The following TEX14 variants were observed in gnomAD, a reference collection of about 807,000 sequenced individuals.
TEX14 encodes testis expressed 14, intercellular bridge forming factor.
A neutral mutation model predicts 178.6 loss-of-function variants in TEX14; 168 were observed. The ratio of observed to expected loss-of-function variants is 0.94; its 90% CI spans 0.83 to 1.07. TEX14 has a LOEUF of 1.07. TEX14 is among the 50% of genes least tolerant of loss of function. The probability of loss-of-function intolerance (pLI) is 0.00; values close to 1 mark genes in which losing one functional copy is unlikely to be tolerated. For missense variants in TEX14, 1,730 were observed against 1,753.6 expected (o/e 0.99, Z 0.24); for synonymous variants, 626 against 634.1 (o/e 0.99, Z 0.19).
chr17:58,650,339 ACCATGCCTGGC>A (rs934901739), intron 2 of TEX14, among the ~76,000 whole-genome samples: 14 of 152,314 alleles, frequency 9.2e-5, no homozygotes, highest in African/African-American at 3.4e-4. Flanking sequence ...GGTGTGAGTC[ACCATGCCTGGC>A]CCAAGAAGCA....
intron 1 of TEX14, among the ~76,000 whole-genome samples, chr17:58,681,096 A>G (rs746022308): frequency 6.6e-5 from 10 of 152,078 alleles, no homozygotes; most frequent in Non-Finnish European, 1.0e-4. Context: ...AGCCTGGCCA[A>G]CATGGCGAAA....
intron 1 of TEX14, among the ~76,000 whole-genome samples, chr17:58,657,813 C>G (rs2047001348): frequency 6.6e-6 from 1 of 152,136 alleles, no homozygotes; most frequent in South Asian, 2.1e-4. Flanking sequence ...TCCTTCTTGT[C>G]TGGGGACTAG....
In TEX14 at chr17:58,616,184, A is replaced by C. The variant is rs1438637730; in HGVS notation, c.758T>G (p.Val253Gly). ...GCCAGCCCCCACTTACTTGGTCATGACCATGTAGGGGCCGCTGAAGAAAGA... is the reference window on the plus strand; with the variant it reads ...GCCAGCCCCCACTTACTTGGTCATGCCCATGTAGGGGCCGCTGAAGAAAGA... ...TFSFFSGPYM[V>G]MTNLVWNGSR... The change falls in exon 7 of 32, where the codon GTC becomes GGC. Residue 253 changes from valine (V) to glycine (G), a missense_variant. Physicochemically the swap from Val to Gly is moderately radical, Grantham distance 109. Transcript: ENST00000349033. 6.2e-7 allele frequency: 1 copy of C among 1,613,390 alleles called. No homozygotes were observed. The highest frequency in any genetic ancestry group is 8.5e-7 in the Non-Finnish European group (1 of 1,179,768).
At chr17:58,666,905 T>G (rs563316245) in intron 1 of TEX14, among the ~76,000 whole-genome samples, 1 of 152,264 alleles carries the variant, frequency 6.6e-6, no homozygotes, top group East Asian at 1.9e-4. Context: ...ATCTACATAC[T>G]CCACCTCCCG....
At chr17:58,628,582 C>A (rs750753873) in intron 3 of TEX14, among the ~76,000 whole-genome samples, 1 of 152,080 alleles carries the variant, frequency 6.6e-6, no homozygotes. Context: ...TGTGGTGGCA[C>A]GCGCTTGTAG....
intron 1 of TEX14, among the ~76,000 whole-genome samples, chr17:58,659,137 G>A (rs902282983): frequency 6.6e-6 from 1 of 150,708 alleles, no homozygotes; most frequent in Non-Finnish European, 1.5e-5. Flanking sequence ...TTTTAAACTA[G>A]TTCAATCACA....
chr17:58,582,553 G>A (rs576695442), intron 19 of TEX14, among the ~76,000 whole-genome samples: 51 of 151,294 alleles, frequency 3.4e-4, no homozygotes, highest in Middle Eastern at 3.4e-3. Context: ...CACCACACCC[G>A]GCCTGCAAAT....
At chr17:58,655,485 A>G (rs2046938083) in intron 1 of TEX14, among the ~76,000 whole-genome samples, 2 of 151,736 alleles carry the variant, frequency 1.3e-5, no homozygotes, top group South Asian at 4.2e-4. Context: ...CCCGGCGACT[A>G]ATGTTTGTAT....
At chr17:58,613,358 G>C (rs2045792198) in intron 9 of TEX14, 63 bp downstream of exon 9, 2 of 1,604,306 alleles carry the variant, frequency 1.2e-6, no homozygotes, top group Admixed American at 1.7e-5. Context: ...GCTGGGGCAA[G>C]AGGGTGAGGA....
At chr17:58,576,001 C>G (rs1310009669) in intron 21 of TEX14, among the ~76,000 whole-genome samples, 1 of 152,002 alleles carries the variant, frequency 6.6e-6, no homozygotes, top group Non-Finnish European at 1.5e-5. Context: ...TTAAATCAGA[C>G]AATGAAACAG....
chr17:58,669,628 G>A (rs1433065407), intron 1 of TEX14, among the ~76,000 whole-genome samples: 1 of 151,324 alleles, frequency 6.6e-6, no homozygotes, highest in East Asian at 1.9e-4. Flanking sequence ...CAGCTACTCA[G>A]GAGGCTGAGG....
At chr17:58,615,027 T>G (rs1228720287) in intron 8 of TEX14, among the ~76,000 whole-genome samples, 1 of 152,182 alleles carries the variant, frequency 6.6e-6, no homozygotes, top group African/African-American at 2.4e-5. Flanking sequence ...TCACCACCAC[T>G]GTCCCCACTG....
chr17:58,563,654 TATATAGAG>T (rs1340208161), intron 28 of TEX14, among the ~76,000 whole-genome samples: 32 of 20,024 alleles, frequency 1.6e-3, no homozygotes, highest in Admixed American at 3.7e-3. Flanking sequence ...TATATATATA[TATATAGAG>T]AGAGAGAGAG....
chr17:58,691,477 G>C (rs1233866903), intron 1 of TEX14, among the ~76,000 whole-genome samples: 1 of 151,678 alleles, frequency 6.6e-6, no homozygotes, highest in Non-Finnish European at 1.5e-5. Context: ...GACCAGCCTG[G>C]CCAATATGGT....
chr17:58,610,120 C>T (rs302847), intron 10 of TEX14, among the ~76,000 whole-genome samples: 45,272 of 152,116 alleles, frequency 0.3, 7,221 homozygotes, highest in Middle Eastern at 0.48. Context: ...AAGACTTTGA[C>T]TCTTGCCAAC....
In TEX14 at chr17:58,572,138, A is replaced by C; in HGVS notation, c.3512-12T>G. 1 of 1,591,794 alleles carries C rather than the reference A, an allele frequency of 6.3e-7. No individual in the cohort carries two copies. The highest frequency in any genetic ancestry group is 8.6e-7 in the Non-Finnish European group (1 of 1,161,670). On this transcript the variant is annotated splice_polypyrimidine_tract_variant and intron_variant, in intron 23 of 31. Coordinates refer to ENST00000349033, the MANE Select transcript of TEX14 (RefSeq NM_031272.5). ...TGAAGAAACGGACCCTGTTGGAGAAAAGCGGAAGGTTACTGTCTGAATCCT... is the reference window on the plus strand; with the variant it reads ...TGAAGAAACGGACCCTGTTGGAGAACAGCGGAAGGTTACTGTCTGAATCCT...
At position 58,621,668 on chromosome 17, in the gene TEX14, C is replaced by T. The variant is rs2046000038; in HGVS notation, c.536G>A (p.Cys179Tyr). ...TACTCACCCCTGCACGAGGCCCCCA[C>T]ACCAGGACGGGCTGTAGACAAGCCG... ...PQRLVYSPSWCGGLVQGNPNG... is the reference protein window; with the variant it reads ...PQRLVYSPSWYGGLVQGNPNG... Residue 179 changes from cysteine (C) to tyrosine (Y), a missense_variant, in exon 5 of 32, where the codon TGT becomes TAT. Coordinates refer to ENST00000349033, the MANE Select transcript of TEX14 (RefSeq NM_031272.5). 6.2e-7 allele frequency: 1 copy of T among 1,613,954 alleles called. No individual in the cohort carries two copies. Among genetic ancestry groups the T allele is most frequent in the Non-Finnish European group, 8.5e-7 (1 of 1,179,894 alleles).
chr17:58,578,848 A>G (rs1288257138), intron 20 of TEX14, among the ~76,000 whole-genome samples: 1 of 152,234 alleles, frequency 6.6e-6, no homozygotes, highest in Non-Finnish European at 1.5e-5. Flanking sequence ...ACAAGGTTAC[A>G]GTTGGAAGCT....
In TEX14 at chr17:58,569,675, G is replaced by C. The variant is rs921477121; in HGVS notation, c.3818-415C>G. On this transcript the variant is annotated intron_variant, in intron 25 of 31. Coordinates refer to ENST00000349033, the MANE Select transcript of TEX14 (RefSeq NM_031272.5). This position sits in a 1 kb window ranked among gnomAD's most constrained non-coding sequence, Gnocchi z 4.1. ...TTTAACTAAATATTATCAGGCCAGGGGATTTAGAGGCAACCACACTTTGGG... is the reference window on the plus strand; with the variant it reads ...TTTAACTAAATATTATCAGGCCAGGCGATTTAGAGGCAACCACACTTTGGG... 2.0e-5 allele frequency among the ~76,000 whole-genome samples: 3 copies of C among 152,154 alleles called. No individual in the cohort carries two copies. The highest frequency in any genetic ancestry group is 7.2e-5 in the African/African-American group (3 of 41,432).
Sources: allele counts gnomAD v4.1 joint callset (sites outside exome capture counted in the v4.1 genomes callset), GRCh38; gene constraint gnomAD v4.1.1; non-coding constraint Gnocchi (gnomAD v3.1); transcripts MANE v1.5; gene names NCBI Gene and HGNC (gene_info 2026-07-23, HGNC 2026-07-21).